Variants in DOCK8 observed in about 807,000 individuals in gnomAD.
The protein encoded by DOCK8 is dedicator of cytokinesis 8.
A neutral mutation model predicts 245.6 loss-of-function variants in DOCK8; 141 were observed. The observed-to-expected ratio is 0.57, with a 90% confidence interval of 0.50 to 0.66. DOCK8 has a LOEUF of 0.66. DOCK8 is among the 30% of genes least tolerant of loss of function. The pLI is 0.00. For synonymous variants in DOCK8, 1,168 were observed against 970.2 expected, an observed-to-expected ratio of 1.20 and a Z score of -3.79; for missense variants, 2,965 against 2,603.4, an observed-to-expected ratio of 1.14 and a Z score of -3.02.
At chr9:392,351 A>G (rs74578855) in intron 24 of DOCK8, among the ~76,000 whole-genome samples, 6,869 of 152,248 alleles carry the variant, frequency 0.045, 218 homozygotes, top group African/African-American at 0.086. Flanking sequence ...GGTTCATGCC[A>G]CAGAAACACA....
intron 4 of DOCK8, among the ~76,000 whole-genome samples, chr9:303,256 A>G (rs1256363151): frequency 1.3e-5 from 2 of 152,220 alleles, no homozygotes; most frequent in Admixed American, 6.5e-5. Context: ...AAACAGAACT[A>G]CCATTCAACC....
At chr9:344,675 C>T (rs1405835837) in intron 14 of DOCK8, among the ~76,000 whole-genome samples, 2 of 152,164 alleles carry the variant, frequency 1.3e-5, no homozygotes, top group Non-Finnish European at 2.9e-5. Context: ...ATAAAAGTCT[C>T]TTTTCAAGCA....
At chr9:226,426 T>G (rs1280847775) in intron 1 of DOCK8, among the ~76,000 whole-genome samples, 3 of 152,094 alleles carry the variant, frequency 2.0e-5, no homozygotes, top group Non-Finnish European at 4.4e-5. Context: ...CAGGGCATGA[T>G]GCGATTGACT....
chr9:444,501 C>T (rs1046378161), intron 43 of DOCK8, among the ~76,000 whole-genome samples: 9 of 152,022 alleles, frequency 5.9e-5, no homozygotes, highest in African/African-American at 1.9e-4. Flanking sequence ...TTATGGCTTC[C>T]TGGCTCATCA....
At chr9:255,889 T>C (rs2047761149) in intron 1 of DOCK8, among the ~76,000 whole-genome samples, 1 of 152,174 alleles carries the variant, frequency 6.6e-6, no homozygotes, top group Admixed American at 6.5e-5. Context: ...TTGGTATTTT[T>C]ATTCAGGCTT....
intron 6 of DOCK8, among the ~76,000 whole-genome samples, chr9:316,452 A>G (rs1356217021): frequency 6.6e-6 from 1 of 152,220 alleles, no homozygotes; most frequent in Non-Finnish European, 1.5e-5. Context: ...TGTCATTACT[A>G]AATTTCATAT....
chr9:434,775 G>C lies in DOCK8; in HGVS notation c.4887-8G>C, dbSNP rs768776794. On this transcript the variant is annotated splice_polypyrimidine_tract_variant and splice_region_variant and intron_variant, in intron 38 of 47. Transcript: ENST00000432829. ...CTCAAAACTACTTCTCACTCAATCT[G>C]TCTTCAGAATTGCCAAGAGTTACCA... The C allele has an allele frequency of 4.3e-6, 7 of 1,613,912 alleles. No individual in the cohort carries two copies. In the Middle Eastern group the frequency reaches 9.9e-4, roughly 228 times the overall value.
At chr9:374,644 T>C (rs1021353611) in intron 18 of DOCK8, among the ~76,000 whole-genome samples, 3 of 126,074 alleles carry the variant, frequency 2.4e-5, no homozygotes, top group African/African-American at 5.8e-5. Context: ...TTTTTTTTTT[T>C]CATTAGAAAC....
At chr9:255,185 A>T (rs938687753) in intron 1 of DOCK8, among the ~76,000 whole-genome samples, 1 of 152,220 alleles carries the variant, frequency 6.6e-6, no homozygotes, top group African/African-American at 2.4e-5. Flanking sequence ...TATGTGCCCA[A>T]TTATAAGTAT....
rs7850440 is a variant in DOCK8, at chr9:235,997, C to T, written c.53+20968C>T. On this transcript the variant is annotated intron_variant, in intron 1 of 47. Transcript: ENST00000432829. ...AATCACCCGTATTCTGTGTCGCTCA[C>T]GCTGGGAGCTGTAGACTGGAGCTGT... is the stretch of plus-strand genomic sequence containing the variant. Among the ~76,000 whole-genome samples, 460 of 152,322 alleles carry T rather than the reference C, an allele frequency of 3.0e-3. 3 individuals are homozygous for T. The highest frequency in any genetic ancestry group is 0.01 in the African/African-American group (432 of 41,570).
chr9:342,533 G>C (rs1172399924), intron 14 of DOCK8, among the ~76,000 whole-genome samples: 1 of 151,574 alleles, frequency 6.6e-6, no homozygotes, highest in Non-Finnish European at 1.5e-5. Context: ...GCAGTGACAT[G>C]ATCTCGGTTC....
At chr9:302,383 G>A (rs1252497089) in intron 4 of DOCK8, among the ~76,000 whole-genome samples, 5 of 152,118 alleles carry the variant, frequency 3.3e-5, no homozygotes, top group Non-Finnish European at 5.9e-5. Context: ...TAAGACCTAA[G>A]ATTACAAAAA....
At chr9:463,477 A>G (rs749196625) in intron 46 of DOCK8, 40 bp from the exon 47 acceptor site, 1 of 1,612,530 alleles carries the variant, frequency 6.2e-7, no homozygotes, top group Non-Finnish European at 8.5e-7. Context: ...TAAGCACTTC[A>G]AAGTCATTTA....
intron 7 of DOCK8, among the ~76,000 whole-genome samples, chr9:317,414 A>G (rs1229197291): frequency 6.6e-6 from 1 of 152,208 alleles, no homozygotes; most frequent in African/African-American, 2.4e-5. Context: ...TAAGAAAAAT[A>G]GCGCTTAAGT....
intron 21 of DOCK8, among the ~76,000 whole-genome samples, chr9:382,023 C>G (rs2053739808): frequency 6.6e-6 from 1 of 151,840 alleles, no homozygotes; most frequent in Non-Finnish European, 1.5e-5. Context: ...GAAAACATGT[C>G]AACATTTAAA....
chr9:222,255 C>A (rs1415785783), intron 1 of DOCK8, among the ~76,000 whole-genome samples: 2 of 151,588 alleles, frequency 1.3e-5, no homozygotes, highest in Non-Finnish European at 2.9e-5. Context: ...AGAGTGAAAC[C>A]CTGTCTCAAA....
intron 2 of DOCK8, among the ~76,000 whole-genome samples, chr9:275,809 A>G (rs2094462): frequency 0.26 from 38,842 of 151,152 alleles, 6,065 homozygotes; most frequent in African/African-American, 0.44. Context: ...GGCTGGTCAC[A>G]AACTCCTGAC....
At chr9:346,396 C>G (rs1021819219) in intron 14 of DOCK8, among the ~76,000 whole-genome samples, 1 of 152,148 alleles carries the variant, frequency 6.6e-6, no homozygotes, top group Non-Finnish European at 1.5e-5. Flanking sequence ...CAAGGGCATC[C>G]TATCCTGCGG....
chr9:299,376 C>G (rs2049420571), intron 4 of DOCK8, among the ~76,000 whole-genome samples: 1 of 152,182 alleles, frequency 6.6e-6, no homozygotes, highest in Non-Finnish European at 1.5e-5. Flanking sequence ...ATCCTCCCAT[C>G]TCAGGCTCCC....
Sources: gnomAD v4.1 joint callset for allele counts (sites outside exome capture counted in the v4.1 genomes callset) on GRCh38, gnomAD v4.1.1 for gene constraint, MANE v1.5 for transcripts, NCBI Gene and HGNC (gene_info 2026-07-23, HGNC 2026-07-21) for gene names.